COL4A5: variants seen among roughly 807,000 people sequenced by gnomAD.
The protein encoded by COL4A5 is collagen type IV alpha 5 chain.
In COL4A5, 26 loss-of-function variants were observed where a neutral mutation model predicts 130.2. The observed-to-expected ratio is 0.20, with a 90% CI of 0.15 to 0.28. The LOEUF is 0.28. Among genes scored for constraint, COL4A5 ranks in the 10% least tolerant of loss-of-function variants. The pLI, the probability that COL4A5 is intolerant of heterozygous loss-of-function variation, is 1.00. For missense variants in COL4A5, 1,131 were observed against 1,344.3 expected (o/e 0.84, Z 2.48); for synonymous variants, 496 against 439.6 (o/e 1.13, Z -1.60).
chrX:108,566,681 T>C (rs1318218352), intron 4 of COL4A5, among the ~76,000 whole-genome samples: 2 of 110,724 alleles, frequency 1.8e-5, no homozygotes, highest in African/African-American at 6.6e-5. Flanking sequence ...CCCGAGTAGC[T>C]GGGGCTACAG....
At chrX:108,669,436 C>A (rs931409159) in intron 41 of COL4A5, among the ~76,000 whole-genome samples, 2 of 112,098 alleles carry the variant, frequency 1.8e-5, no homozygotes, top group Non-Finnish European at 3.8e-5. Context: ...GTTCTAAACA[C>A]ATGAATTAAA....
rs1603279586 is a variant in COL4A5, at chrX:108,570,607, A to G, written c.385-806A>G. Among the ~76,000 whole-genome samples the G allele has an allele frequency of 1.8e-5, 2 of 112,291 alleles. 1 individual carries two copies. Among genetic ancestry groups the G allele is most frequent in the East Asian group, 5.6e-4 (2 of 3,600 alleles). On this transcript the variant is annotated intron_variant, in intron 6 of 52. Coordinates refer to ENST00000328300, the MANE Select transcript of COL4A5 (RefSeq NM_033380.3). ...AACTTTAAAGTTGGAGCCACAATGT[A>G]TAGGTTTTTTTCTTTTTCTGTCTTT...
intron 41 of COL4A5, among the ~76,000 whole-genome samples, chrX:108,669,274 C>A (rs113641010): frequency 1.2e-3 from 133 of 112,360 alleles, no homozygotes; most frequent in African/African-American, 3.8e-3. Flanking sequence ...ACTTGATATT[C>A]AAATTTTATA....
chrX:108,634,450 A>T (rs1243643765), intron 36 of COL4A5, among the ~76,000 whole-genome samples: 1 of 111,239 alleles, frequency 9.0e-6, no homozygotes, highest in African/African-American at 3.3e-5. Flanking sequence ...CAAATTTCAC[A>T]TTAAAGGAAC....
chrX:108,561,517 G>GT lies in COL4A5; in HGVS notation c.232-2354dup, dbSNP rs202094607. Among the ~76,000 whole-genome samples, 267 of 103,294 alleles carry GT rather than the reference G, an allele frequency of 2.6e-3. 1 individual carries two copies. In the East Asian group the frequency reaches 0.031, roughly 12 times the overall value. 89.7% of individuals were successfully genotyped at this position (103,294 alleles called of 115,157 possible). A position where few individuals can be genotyped will look rare whatever the true frequency, so the allele number is the denominator to read the frequency against. Reference sequence around the variant, plus strand: ...ACTTAAGACTCAGAGAATTTTCTGGGTTTTTTTTTTTAATGACTCTTTTGG... The same window carrying GT: ...ACTTAAGACTCAGAGAATTTTCTGGGTTTTTTTTTTTTAATGACTCTTTTGG... On this transcript the variant is annotated intron_variant, in intron 3 of 52. Coordinates refer to ENST00000328300, the MANE Select transcript of COL4A5 (RefSeq NM_033380.3).
intron 1 of COL4A5, among the ~76,000 whole-genome samples, chrX:108,509,383 C>T (rs1456717831): frequency 8.9e-6 from 1 of 111,814 alleles, no homozygotes; most frequent in Non-Finnish European, 1.9e-5. Flanking sequence ...CCCCATGGCA[C>T]AGTTCACCTA....
At chrX:108,647,492 G>C (rs1197535297) in intron 36 of COL4A5, among the ~76,000 whole-genome samples, 1 of 111,178 alleles carries the variant, frequency 9.0e-6, no homozygotes, top group Non-Finnish European at 1.9e-5. Flanking sequence ...CTGAGACGAT[G>C]GGGTTTTCTA....
chrX:108,573,164 G>A (rs941975211), intron 8 of COL4A5, among the ~76,000 whole-genome samples: 7 of 106,893 alleles, frequency 6.5e-5, no homozygotes, highest in African/African-American at 1.7e-4. Context: ...TTTCTTCATA[G>A]CCCTTAATAT....
In COL4A5 at chrX:108,505,251, A is replaced by AT. The variant is rs1341412889; in HGVS notation, c.82-34494dup. ...CTCAGAAGTGAGGAGTCGGTGAGGG[A>AT]TAAAAAAAAAAAACTACATACTCAG... On this transcript the variant is annotated intron_variant, in intron 1 of 52. Coordinates refer to ENST00000328300, the MANE Select transcript of COL4A5 (RefSeq NM_033380.3). 3.4e-4 allele frequency among the ~76,000 whole-genome samples: 33 copies of AT among 96,027 alleles called. No individual in the cohort carries two copies. In the South Asian group the frequency reaches 7.0e-3, roughly 20 times the overall value. 83.4% of individuals were successfully genotyped at this position (96,027 alleles called of 115,157 possible).
At chrX:108,520,245 T>C (rs2065253013) in intron 1 of COL4A5, among the ~76,000 whole-genome samples, 1 of 111,634 alleles carries the variant, frequency 9.0e-6, no homozygotes, top group Admixed American at 9.5e-5. Context: ...AATTACATTA[T>C]GGTTAGAGAT....
At position 108,591,079 on chromosome X, in the gene COL4A5, C is replaced by T. The variant is rs113013606; in HGVS notation, c.1187C>T (p.Pro396Leu). The T allele has an allele frequency of 9.6e-5, 116 of 1,208,392 alleles. No individual in the cohort carries two copies. The African/African-American group carries it at 1.7e-3, about 18-fold the overall frequency. Residue 396 changes from proline (P) to leucine (L), a missense_variant, in exon 20 of 53, where the codon CCT (proline) becomes CTT (leucine). By Grantham distance (98) the Pro-to-Leu change is moderately conservative. Transcript: ENST00000328300. Reference protein sequence around the residue: ...GPPGAAVMGPPGPPGFPGERG... With the variant: ...GPPGAAVMGPLGPPGFPGERG... Reference sequence around the variant, plus strand: ...TTAGGGGCTGCAGTTATGGGTCCTCCTGGCCCTCCTGGATTTCCTGGAGAA... The same window carrying T: ...TTAGGGGCTGCAGTTATGGGTCCTCTTGGCCCTCCTGGATTTCCTGGAGAA...
intron 52 of COL4A5, 150 bp from the exon 53 acceptor site, chrX:108,696,147 T>G: frequency 2.0e-6 from 1 of 506,269 alleles, no homozygotes; most frequent in Non-Finnish European, 3.6e-6. Flanking sequence ...TACTAGTCAC[T>G]GCATTAGATC....
intron 36 of COL4A5, among the ~76,000 whole-genome samples, chrX:108,642,366 T>TTCC (rs1176530080): frequency 1.8e-5 from 2 of 110,802 alleles, no homozygotes; most frequent in Non-Finnish European, 3.8e-5. Flanking sequence ...CTACCACTGG[T>TTCC]TCCTCTCCAT....
At chrX:108,664,046 A>G (rs959295776) in intron 37 of COL4A5, among the ~76,000 whole-genome samples, 2 of 111,468 alleles carry the variant, frequency 1.8e-5, no homozygotes, top group African/African-American at 6.5e-5. Context: ...TTAGCCGGGC[A>G]TGGTGGCATG....
intron 1 of COL4A5, among the ~76,000 whole-genome samples, chrX:108,502,578 C>T (rs2065091053): frequency 8.9e-6 from 1 of 112,135 alleles, no homozygotes; most frequent in South Asian, 3.7e-4. Context: ...AGCCACCGCG[C>T]CCGGCTACTG....
intron 1 of COL4A5, among the ~76,000 whole-genome samples, chrX:108,515,306 G>A (rs2147599101): frequency 9.0e-6 from 1 of 111,470 alleles, no homozygotes; most frequent in Non-Finnish European, 1.9e-5. Context: ...ATCTTGGCAG[G>A]AATAATTTAT....
At chrX:108,570,185 G>A (rs1343856373) in intron 6 of COL4A5, among the ~76,000 whole-genome samples, 2 of 111,095 alleles carry the variant, frequency 1.8e-5, no homozygotes, top group Non-Finnish European at 3.8e-5. Flanking sequence ...AAAAAATTTT[G>A]GATTCATGAG....
intron 49 of COL4A5, 63 bp from the exon 50 acceptor site, chrX:108,692,685 T>C (rs1025808564): frequency 9.0e-7 from 1 of 1,106,911 alleles, no homozygotes; most frequent in Non-Finnish European, 1.2e-6. Flanking sequence ...GCTATTGTTT[T>C]AGAAGAAACC....
At chrX:108,645,943 G>C (rs1023287955) in intron 36 of COL4A5, among the ~76,000 whole-genome samples, 1 of 110,969 alleles carries the variant, frequency 9.0e-6, no homozygotes, top group Non-Finnish European at 1.9e-5. Context: ...GTATTCCATG[G>C]TGTATATGTG....
Sources: allele counts gnomAD v4.1 joint callset (sites outside exome capture counted in the v4.1 genomes callset), GRCh38; gene constraint gnomAD v4.1.1; transcripts MANE v1.5; gene names NCBI Gene and HGNC (gene_info 2026-07-23, HGNC 2026-07-21).